The following PCDH9 variants were observed in gnomAD, a reference collection of about 807,000 sequenced individuals.
PCDH9 encodes the protein protocadherin-9.
In PCDH9, 24 loss-of-function variants were observed where a neutral mutation model predicts 70.6. The ratio of observed to expected loss-of-function variants is 0.34; its 90% CI spans 0.25 to 0.48. The LOEUF (loss-of-function observed/expected upper bound fraction) is 0.48. Ranked by LOEUF, PCDH9 falls within the 20% of genes least tolerant of loss-of-function variation. The pLI, the probability that PCDH9 is intolerant of heterozygous loss-of-function variation, is 0.99. For synonymous variants in PCDH9, 562 were observed against 558.5 expected (o/e 1.01, Z -0.09); for missense variants, 1,281 against 1,503.6 (o/e 0.85, Z 2.45).
At chr13:66,566,712 T>G (rs963248915) in intron 4 of PCDH9, among the ~76,000 whole-genome samples, 1 of 149,246 alleles carries the variant, frequency 6.7e-6, no homozygotes, top group African/African-American at 2.5e-5. Flanking sequence ...GAAGTGAAAT[T>G]GTCTTTTACA....
At chr13:66,402,846 G>T (rs143534413) in intron 4 of PCDH9, among the ~76,000 whole-genome samples, 2,115 of 152,224 alleles carry the variant, frequency 0.014, 22 homozygotes, top group Non-Finnish European at 0.023. Context: ...ATAAGCAAAA[G>T]TCAATGTACA....
intron 3 of PCDH9, among the ~76,000 whole-genome samples, chr13:66,668,420 C>A (rs573083848): frequency 3.3e-5 from 5 of 152,120 alleles, no homozygotes; most frequent in Non-Finnish European, 7.4e-5. Context: ...TCATCAATGT[C>A]ACATCTTTGA....
At chr13:66,428,094 CAG>C (rs1957705827) in intron 4 of PCDH9, among the ~76,000 whole-genome samples, 1 of 151,620 alleles carries the variant, frequency 6.6e-6, no homozygotes, top group Non-Finnish European at 1.5e-5. Context: ...TTTTGGGTAA[CAG>C]TGTATATTAT....
intron 2 of PCDH9, among the ~76,000 whole-genome samples, chr13:67,022,903 T>A (rs972343385): frequency 1.3e-5 from 2 of 152,252 alleles, no homozygotes; most frequent in Admixed American, 6.5e-5. Context: ...AAACCTATTG[T>A]TGAAGACTAA....
At chr13:66,672,608 C>A (rs1422758520) in intron 3 of PCDH9, among the ~76,000 whole-genome samples, 1 of 152,142 alleles carries the variant, frequency 6.6e-6, no homozygotes, top group African/African-American at 2.4e-5. Context: ...CACCATGTGC[C>A]TGGAAAAGCT....
In PCDH9 at chr13:66,631,339, G is replaced by A. The variant is rs1363289737; in HGVS notation, c.3211C>T (p.His1071Tyr). 6.2e-7 allele frequency: 1 copy of A among 1,609,362 alleles called. No homozygotes were observed. Among genetic ancestry groups the A allele is most frequent in the Non-Finnish European group, 8.5e-7 (1 of 1,175,716 alleles). The change falls in exon 4 of 5, where the codon CAT (histidine) becomes TAT (tyrosine). Residue 1071 changes from histidine (H) to tyrosine (Y), a missense_variant. Physicochemically the swap from His to Tyr is moderately conservative, Grantham distance 83 (BLOSUM62 2). Transcript: ENST00000377865. ...AGGGTTCCACTACCCACCGGCTCAT[G>A]GTCTCCTAGACCACTGTCACTGCAG... is the stretch of plus-strand genomic sequence containing the variant. Reference protein sequence around the residue: ...ESCSDSGLGDHEPVGSGTLIS... With the variant: ...ESCSDSGLGDYEPVGSGTLIS...
At chr13:66,323,523 G>A (rs1955791354) in intron 4 of PCDH9, 1 of 151,852 alleles carries the variant, frequency 6.6e-6, no homozygotes, top group South Asian at 2.1e-4. Context: ...ACAAAGAACT[G>A]GTTTTCTTCT....
intron 2 of PCDH9, among the ~76,000 whole-genome samples, chr13:67,169,446 T>C (rs1292343734): frequency 6.6e-6 from 1 of 152,214 alleles, no homozygotes; most frequent in Non-Finnish European, 1.5e-5. Flanking sequence ...AAGAAAGCTC[T>C]GGCATAGATT....
intron 4 of PCDH9, among the ~76,000 whole-genome samples, chr13:66,622,180 C>T (rs1352591908): frequency 6.6e-6 from 1 of 152,242 alleles, no homozygotes; most frequent in African/African-American, 2.4e-5. Flanking sequence ...TTGGCTGCCT[C>T]CCTGCGGGAC....
intron 2 of PCDH9, among the ~76,000 whole-genome samples, chr13:67,157,136 A>G (rs2087834297): frequency 6.6e-6 from 1 of 152,210 alleles, no homozygotes; most frequent in Non-Finnish European, 1.5e-5. Context: ...CATATATTGA[A>G]TTAATATTAA....
At chr13:67,080,578 T>C (rs1425476907) in intron 2 of PCDH9, among the ~76,000 whole-genome samples, 1 of 152,242 alleles carries the variant, frequency 6.6e-6, no homozygotes, top group Non-Finnish European at 1.5e-5. Flanking sequence ...TTCTGTGAGC[T>C]GTTAAGGTTC....
chr13:66,307,575 G>A (rs1267890913), intron 4 of PCDH9, among the ~76,000 whole-genome samples: 1 of 151,936 alleles, frequency 6.6e-6, no homozygotes, highest in Non-Finnish European at 1.5e-5. Context: ...TCACCAATTT[G>A]ATATGTAACA....
chr13:67,027,564 A>C (rs1482867395), intron 2 of PCDH9, among the ~76,000 whole-genome samples: 3 of 150,626 alleles, frequency 2.0e-5, no homozygotes, highest in Non-Finnish European at 4.5e-5. Flanking sequence ...CAAAATTGAC[A>C]AATGGGATCT....
intron 3 of PCDH9, among the ~76,000 whole-genome samples, chr13:66,885,628 T>A (rs1325770526): frequency 6.6e-6 from 1 of 152,148 alleles, no homozygotes; most frequent in Non-Finnish European, 1.5e-5. Flanking sequence ...CTAGCTAATG[T>A]TCCAATTCAC....
At chr13:66,796,825 G>A (rs1032287734) in intron 3 of PCDH9, among the ~76,000 whole-genome samples, 3 of 152,018 alleles carry the variant, frequency 2.0e-5, no homozygotes, top group African/African-American at 4.8e-5. Context: ...GTGTATTAAC[G>A]GTTGAAGAAG....
At chr13:66,363,965 G>T (rs1254345689) in intron 4 of PCDH9, among the ~76,000 whole-genome samples, 2 of 152,034 alleles carry the variant, frequency 1.3e-5, no homozygotes, top group African/African-American at 2.4e-5. Flanking sequence ...GACCAGCCTG[G>T]CCAACATGGT....
chr13:66,595,227 A>G (rs2077088469), intron 4 of PCDH9, among the ~76,000 whole-genome samples: 1 of 151,626 alleles, frequency 6.6e-6, no homozygotes, highest in African/African-American at 2.4e-5. Flanking sequence ...GTGGGAAGGT[A>G]GGAGCCTAAC....
At chr13:66,760,385 C>T (rs1022546533) in intron 3 of PCDH9, among the ~76,000 whole-genome samples, 3 of 152,092 alleles carry the variant, frequency 2.0e-5, no homozygotes, top group African/African-American at 7.2e-5. Context: ...AAGTCAGGGA[C>T]CCCAAACAGA....
At chr13:66,671,929 A>G (rs549107253) in intron 3 of PCDH9, among the ~76,000 whole-genome samples, 2 of 152,360 alleles carry the variant, frequency 1.3e-5, no homozygotes, top group South Asian at 4.1e-4. Flanking sequence ...ATTTACATAA[A>G]TAATGAGGAG....
Sources: gnomAD v4.1 joint callset for allele counts (sites outside exome capture counted in the v4.1 genomes callset) on GRCh38, gnomAD v4.1.1 for gene constraint, MANE v1.5 for transcripts, NCBI Gene and HGNC (gene_info 2026-07-23, HGNC 2026-07-21) for gene names.